RETREG3: variants seen among roughly 807,000 people sequenced by gnomAD.
The protein encoded by RETREG3 is reticulophagy regulator family member 3, also known as reticulophagy regulator 3.
Under a neutral mutation model 50.2 loss-of-function variants are expected in RETREG3, and 23 were observed. That is an observed-to-expected ratio of 0.46 (90% CI 0.33 to 0.65). The LOEUF is 0.65. Among genes scored for constraint, RETREG3 ranks in the 30% least tolerant of loss-of-function variants. RETREG3 has a pLI of 0.02. For missense variants in RETREG3, 546 were observed against 598.0 expected, an observed-to-expected ratio of 0.91 and a Z score of 0.91; for synonymous variants, 240 against 234.4, an observed-to-expected ratio of 1.02 and a Z score of -0.22.
At position 42,581,914 on chromosome 17, in the gene RETREG3, G is replaced by A; in HGVS notation, c.1300C>T (p.Pro434Ser). The change falls in exon 9 of 9, where the codon CCC becomes TCC. Residue 434 changes from proline (P) to serine (S), a missense_variant. Pro to Ser is a moderately conservative substitution (Grantham distance 74). Transcript: ENST00000309428. ...GCATCAGTGTCCAGGTCTGAACTGG[G>A]GGACCGGAGGAAGCCTCTCGTTGCT... ...QRATRGFLRS[P>S]SSDLDTDAEG... 6.2e-7 allele frequency: 1 copy of A among 1,614,176 alleles called. No individual in the cohort carries two copies. Among genetic ancestry groups the A allele is most frequent in the Non-Finnish European group, 8.5e-7 (1 of 1,180,026 alleles).
At chr17:42,588,862 G>C (rs564435942) in intron 2 of RETREG3, among the ~76,000 whole-genome samples, 1 of 152,238 alleles carries the variant, frequency 6.6e-6, no homozygotes, top group Non-Finnish European at 1.5e-5. Context: ...TTGCTATGTT[G>C]GCCAGGCTGG....
chr17:42,581,099 T>C lies in RETREG3; in HGVS notation c.*714A>G, dbSNP rs1388802897. 6.9e-6 allele frequency: 1 copy of C among 145,606 alleles called. No individual in the cohort carries two copies. Among genetic ancestry groups the C allele is most frequent in the Non-Finnish European group, 1.5e-5 (1 of 66,692 alleles). The allele number at this position is 145,606 out of a possible 1,614,324, so 9.0% of individuals were successfully genotyped here. On this transcript the variant is annotated 3_prime_UTR_variant, in exon 9 of 9. Coordinates refer to ENST00000309428, the MANE Select transcript of RETREG3 (RefSeq NM_178126.4). ...AATCAAATCCTGGTTTAACAAAAGATGACGACTAATCCCAGCACTCTGGGA... is the reference window on the plus strand; with the variant it reads ...AATCAAATCCTGGTTTAACAAAAGACGACGACTAATCCCAGCACTCTGGGA...
chr17:42,590,426 C>T (rs542952831), intron 2 of RETREG3, among the ~76,000 whole-genome samples: 1 of 152,148 alleles, frequency 6.6e-6, no homozygotes, highest in South Asian at 2.1e-4. Flanking sequence ...AATCCCAGTA[C>T]TTTGGAAGGC....
intron 1 of RETREG3, among the ~76,000 whole-genome samples, chr17:42,595,902 GA>G (rs113866021): frequency 0.017 from 2,326 of 137,618 alleles, 57 homozygotes; most frequent in African/African-American, 0.056. Flanking sequence ...CCCTGTCTAA[GA>G]AAAAAAAAAA....
intron 1 of RETREG3, chr17:42,608,787 C>CCGTA: frequency 2.8e-6 from 1 of 363,626 alleles, no homozygotes. Context: ...CTTTGTCGGG[C>CCGTA]TCAAAAGAGG....
chr17:42,595,524 G>A (rs958507217), intron 1 of RETREG3, among the ~76,000 whole-genome samples: 9 of 151,680 alleles, frequency 5.9e-5, no homozygotes, highest in Admixed American at 5.3e-4. Flanking sequence ...AGCCTCCCAA[G>A]TAGCTGGGAT....
chr17:42,599,730 C>T (rs532036537), intron 1 of RETREG3, among the ~76,000 whole-genome samples: 2 of 150,954 alleles, frequency 1.3e-5, no homozygotes, highest in African/African-American at 4.9e-5. Context: ...TGGTGGCTCA[C>T]GTCTGTAATC....
At chr17:42,585,375 TCTGCCCAA>T in intron 5 of RETREG3, 113 bp from the exon 6 acceptor site, 1 of 1,387,146 alleles carries the variant, frequency 7.2e-7, no homozygotes, top group Non-Finnish European at 9.6e-7. Context: ...GTGGAACAGA[TCTGCCCAA>T]GTCTGCCAGT....
intron 1 of RETREG3, among the ~76,000 whole-genome samples, chr17:42,601,115 AAAAATAC>A (rs1475347565): frequency 1.3e-5 from 2 of 152,140 alleles, no homozygotes; most frequent in African/African-American, 4.8e-5. Flanking sequence ...ATCTCTACCT[AAAAATAC>A]AAAAATTAGC....
chr17:42,595,277 T>C (rs944045202), intron 1 of RETREG3, among the ~76,000 whole-genome samples: 7 of 151,956 alleles, frequency 4.6e-5, no homozygotes, highest in Non-Finnish European at 8.8e-5. Flanking sequence ...TTTTGTACTT[T>C]TTTTTTGAGA....
intron 7 of RETREG3, among the ~76,000 whole-genome samples, chr17:42,583,188 A>G (rs1190290693): frequency 6.6e-6 from 1 of 152,208 alleles, no homozygotes; most frequent in Admixed American, 6.5e-5. Flanking sequence ...CACAGACCCA[A>G]GGGTGAACTG....
chr17:42,584,167 G>A (rs1181805000), intron 6 of RETREG3, among the ~76,000 whole-genome samples: 1 of 152,112 alleles, frequency 6.6e-6, no homozygotes, highest in East Asian at 1.9e-4. Flanking sequence ...ACAACTCTCT[G>A]GATGGCTAAA....
chr17:42,586,550 A>T (rs1161111788), intron 4 of RETREG3: 14 of 512,726 alleles, frequency 2.7e-5, no homozygotes, highest in Admixed American at 1.9e-4. Context: ...AAACGGCCTC[A>T]TCTAAGTGGC....
At chr17:42,584,001 T>C (rs2093115864) in intron 6 of RETREG3, among the ~76,000 whole-genome samples, 1 of 151,864 alleles carries the variant, frequency 6.6e-6, no homozygotes. Context: ...AGAGACGGGG[T>C]TTCATCATAT....
chr17:42,594,094 G>A (rs530489284), intron 1 of RETREG3, among the ~76,000 whole-genome samples: 120 of 152,336 alleles, frequency 7.9e-4, no homozygotes, highest in Non-Finnish European at 1.1e-3. Flanking sequence ...GGGGGACTGC[G>A]TCACAAGAAT....
At chr17:42,598,575 G>A (rs1323314018) in intron 1 of RETREG3, 1 of 151,894 alleles carries the variant, frequency 6.6e-6, no homozygotes, top group African/African-American at 2.4e-5. Flanking sequence ...AATTCCTTAA[G>A]TATCTTACTA....
At chr17:42,587,175 G>C (rs1014252215) in intron 3 of RETREG3, among the ~76,000 whole-genome samples, 1 of 152,204 alleles carries the variant, frequency 6.6e-6, no homozygotes, top group African/African-American at 2.4e-5. Flanking sequence ...GCTTAGAAAC[G>C]TTTTCTTCCT....
In RETREG3 at chr17:42,582,139, G is replaced by C. The variant is rs868704755; in HGVS notation, c.1075C>G (p.Arg359Gly). The C allele has an allele frequency of 6.2e-7, 1 of 1,614,088 alleles. No homozygotes were observed. The highest frequency in any genetic ancestry group is 8.5e-7 in the Non-Finnish European group (1 of 1,180,010). Residue 359 changes from arginine to glycine, a missense_variant, in exon 9 of 9, where the codon CGT (arginine) becomes GGT (glycine). Coordinates refer to ENST00000309428, the MANE Select transcript of RETREG3 (RefSeq NM_178126.4). Reference sequence around the variant, plus strand: ...GGCTCCTCAGCCCCTGGCGGAGAACGGTACATCAAGCTGGGCATGCCAATG... The same window carrying C: ...GGCTCCTCAGCCCCTGGCGGAGAACCGTACATCAAGCTGGGCATGCCAATG... Reference protein sequence around the residue: ...TSIGMPSLMYRSPPGAEEPQA... With the variant: ...TSIGMPSLMYGSPPGAEEPQA...
rs766982326 is a variant in RETREG3 at position 42,585,270 on chromosome 17, G to A, written c.590-8C>T. The A allele has an allele frequency of 1.9e-6, 3 of 1,611,406 alleles. No homozygotes were observed. In the South Asian group the frequency reaches 3.3e-5, roughly 18 times the overall value. On this transcript the variant is annotated splice_region_variant and splice_polypyrimidine_tract_variant and intron_variant, in intron 5 of 8. Transcript: ENST00000309428. Reference sequence around the variant, plus strand: ...ACATCATGACAGTGACAACTGTGAGGAGGCATGGGAAACAGTGACAAAATG... The same window carrying A: ...ACATCATGACAGTGACAACTGTGAGAAGGCATGGGAAACAGTGACAAAATG...
Sources: allele counts gnomAD v4.1 joint callset (sites outside exome capture counted in the v4.1 genomes callset), GRCh38; gene constraint gnomAD v4.1.1; transcripts MANE v1.5; gene names NCBI Gene and HGNC (gene_info 2026-07-23, HGNC 2026-07-21).